ADGRL2: variants seen among roughly 807,000 people sequenced by gnomAD.
ADGRL2 encodes adhesion G protein-coupled receptor L2.
A neutral mutation model predicts 157.4 loss-of-function variants in ADGRL2; 44 were observed. That is an observed-to-expected ratio of 0.28 (90% confidence interval 0.22 to 0.36). ADGRL2 has a LOEUF of 0.36. ADGRL2 is among the 10% of genes least tolerant of loss of function. The pLI is 1.00. For synonymous variants in ADGRL2, 585 were observed against 624.7 expected (o/e 0.94, Z 0.95); for missense variants, 1,510 against 1,768.9 (o/e 0.85, Z 2.63).
At chr1:81,924,361 G>A (rs1432592727) in intron 3 of ADGRL2, among the ~76,000 whole-genome samples, 3 of 152,118 alleles carry the variant, frequency 2.0e-5, no homozygotes, top group African/African-American at 7.2e-5. Flanking sequence ...TCATTTATGT[G>A]AGAACTCAGT....
chr1:81,550,471 G>T (rs2080119522), intron 2 of ADGRL2, among the ~76,000 whole-genome samples: 2 of 152,088 alleles, frequency 1.3e-5, no homozygotes, highest in Non-Finnish European at 2.9e-5. Flanking sequence ...ATTCACAGTG[G>T]AAAAATTCTG....
chr1:81,797,392 C>T (rs1478396838), upstream of ADGRL2, among the ~76,000 whole-genome samples: 1 of 152,108 alleles, frequency 6.6e-6, no homozygotes, highest in African/African-American at 2.4e-5. Flanking sequence ...ACAACCGTCC[C>T]TCCTTAATAG....
chr1:81,411,109 A>G (rs1276169774), intron 1 of ADGRL2, among the ~76,000 whole-genome samples: 3 of 152,154 alleles, frequency 2.0e-5, no homozygotes, highest in Non-Finnish European at 4.4e-5. Flanking sequence ...TTCAAATTCA[A>G]CCTATCACAT....
chr1:81,534,730 T>C (rs2079692334), intron 2 of ADGRL2, among the ~76,000 whole-genome samples: 1 of 152,210 alleles, frequency 6.6e-6, no homozygotes, highest in Admixed American at 6.5e-5. Context: ...CTCCCGCTGG[T>C]CCTTCCATGT....
chr1:81,328,905 T>C (rs1464261617), intron 1 of ADGRL2, among the ~76,000 whole-genome samples: 1 of 151,502 alleles, frequency 6.6e-6, no homozygotes, highest in East Asian at 1.9e-4. Context: ...CTGGACTGTT[T>C]AAGAGAGATT....
intron 3 of ADGRL2, among the ~76,000 whole-genome samples, chr1:81,655,429 C>T (rs1234568247): frequency 6.6e-6 from 1 of 152,174 alleles, no homozygotes; most frequent in Non-Finnish European, 1.5e-5. Context: ...TTCAAACCCA[C>T]ATATGTCAGA....
chr1:81,375,840 G>C (rs748877054), intron 1 of ADGRL2, among the ~76,000 whole-genome samples: 1 of 151,754 alleles, frequency 6.6e-6, no homozygotes, highest in African/African-American at 2.4e-5. Context: ...ATGGTTCATC[G>C]CTTGGATTTA....
At chr1:81,940,725 A>G (rs899231698) in intron 4 of ADGRL2, among the ~76,000 whole-genome samples, 8 of 87,726 alleles carry the variant, frequency 9.1e-5, no homozygotes, top group Non-Finnish European at 1.8e-4. Context: ...GAAATGCAGT[A>G]TTAGCAACCC....
chr1:81,581,886 A>G (rs916864737), intron 3 of ADGRL2, among the ~76,000 whole-genome samples: 19 of 145,808 alleles, frequency 1.3e-4, no homozygotes, highest in African/African-American at 5.0e-4. Context: ...ACACACACAC[A>G]CACACACACA....
chr1:81,762,372 A>C (rs907301947), intron 2 of ADGRL2, among the ~76,000 whole-genome samples: 1 of 152,190 alleles, frequency 6.6e-6, no homozygotes, highest in Non-Finnish European at 1.5e-5. Flanking sequence ...GCTAGCCACT[A>C]TATGATTTTG....
upstream of ADGRL2, among the ~76,000 whole-genome samples, chr1:81,798,343 C>T (rs1022144542): frequency 6.6e-6 from 1 of 152,022 alleles, no homozygotes; most frequent in Non-Finnish European, 1.5e-5. Flanking sequence ...TATTTCAATT[C>T]TTCTTTGTGG....
chr1:81,712,858 G>T (rs906287514), intron 1 of ADGRL2, among the ~76,000 whole-genome samples: 5 of 149,614 alleles, frequency 3.3e-5, no homozygotes, highest in Non-Finnish European at 7.4e-5. Context: ...CACCTCCCGG[G>T]TTCAAGTGAT....
intron 3 of ADGRL2, among the ~76,000 whole-genome samples, chr1:81,656,819 G>T (rs1400752507): frequency 6.6e-6 from 1 of 151,904 alleles, no homozygotes; most frequent in Non-Finnish European, 1.5e-5. Flanking sequence ...AAAACAGCCT[G>T]GGCAACATGG....
chr1:81,698,705 A>T (rs2083495608), upstream of ADGRL2, among the ~76,000 whole-genome samples: 1 of 152,202 alleles, frequency 6.6e-6, no homozygotes, highest in Admixed American at 6.5e-5. Flanking sequence ...TTGAAATTAC[A>T]AGTCAAATGC....
chr1:81,753,570 CA>C, intron 1 of ADGRL2, among the ~76,000 whole-genome samples: 1 of 151,868 alleles, frequency 6.6e-6, no homozygotes, highest in East Asian at 1.9e-4. Context: ...TTTATTTGCC[CA>C]AAAGTATACT....
upstream of ADGRL2, among the ~76,000 whole-genome samples, chr1:81,696,392 G>A (rs1328003887): frequency 2.0e-5 from 3 of 152,194 alleles, no homozygotes; most frequent in South Asian, 4.2e-4. Context: ...AAAGAACTTC[G>A]GATGTGCTTG....
chr1:81,655,098 G>A (rs1313371032), intron 3 of ADGRL2, among the ~76,000 whole-genome samples: 1 of 152,134 alleles, frequency 6.6e-6, no homozygotes, highest in East Asian at 1.9e-4. Flanking sequence ...GGGCAAGAGG[G>A]GCTGGCTCTC....
At chr1:81,367,295 C>T (rs1467800273) in intron 1 of ADGRL2, among the ~76,000 whole-genome samples, 2 of 152,116 alleles carry the variant, frequency 1.3e-5, no homozygotes, top group Non-Finnish European at 2.9e-5. Context: ...TGCCATGGTG[C>T]TGTGCTGCAG....
chr1:81,624,524 G>A (rs1274907682), intron 3 of ADGRL2, among the ~76,000 whole-genome samples: 2 of 152,022 alleles, frequency 1.3e-5, no homozygotes, highest in Non-Finnish European at 2.9e-5. Flanking sequence ...AGAGGTTGCA[G>A]TGAACCAAGA....
Sources: gnomAD v4.1 joint callset for allele counts (sites outside exome capture counted in the v4.1 genomes callset) on GRCh38, gnomAD v4.1.1 for gene constraint, MANE v1.5 for transcripts, NCBI Gene and HGNC (gene_info 2026-07-23, HGNC 2026-07-21) for gene names.